CHST8: variants seen among roughly 807,000 people sequenced by gnomAD.
CHST8 encodes carbohydrate sulfotransferase 8, also known as GALNAC-4-ST1.
A neutral mutation model predicts 15.0 loss-of-function variants in CHST8; 10 were observed. The observed-to-expected ratio is 0.67, with a 90% CI of 0.41 to 1.13. CHST8 has a LOEUF of 1.13. Among genes scored for constraint, CHST8 ranks in the 50% most tolerant of loss-of-function variants. The probability of loss-of-function intolerance (pLI) is 0.00; values close to 1 mark genes in which losing one functional copy is unlikely to be tolerated. For missense variants in CHST8, 634 were observed against 608.2 expected, an observed-to-expected ratio of 1.04 and a Z score of -0.45; for synonymous variants, 259 against 256.6, an observed-to-expected ratio of 1.01 and a Z score of -0.09.
intron 3 of CHST8, among the ~76,000 whole-genome samples, chr19:33,757,561 A>G (rs567053025): frequency 1.5e-5 from 2 of 131,924 alleles, no homozygotes; most frequent in African/African-American, 5.8e-5. Context: ...AGAAAGAAAG[A>G]AAGAAAGAAA....
At chr19:33,728,200 A>G (rs1290364774) in intron 3 of CHST8, among the ~76,000 whole-genome samples, 1 of 152,224 alleles carries the variant, frequency 6.6e-6, no homozygotes, top group Non-Finnish European at 1.5e-5. Flanking sequence ...AATTTCATCC[A>G]ATCATGTTTT....
chr19:33,646,015 C>T (rs1972351167), intron 1 of CHST8, among the ~76,000 whole-genome samples: 1 of 152,074 alleles, frequency 6.6e-6, no homozygotes, highest in South Asian at 2.1e-4. Flanking sequence ...GTGGTCTCAG[C>T]TACTCAGGAG....
intron 3 of CHST8, among the ~76,000 whole-genome samples, chr19:33,755,564 C>T (rs1307034012): frequency 6.6e-6 from 1 of 152,258 alleles, no homozygotes; most frequent in Non-Finnish European, 1.5e-5. Context: ...CCCTGCCACG[C>T]GCAGGCGTGA....
chr19:33,678,338 A>G (rs1233257316), intron 2 of CHST8, among the ~76,000 whole-genome samples: 1 of 152,162 alleles, frequency 6.6e-6, no homozygotes, highest in Non-Finnish European at 1.5e-5. Context: ...TTTTCCACAG[A>G]GCATCCAGGA....
At chr19:33,649,333 T>C (rs926387833) in intron 1 of CHST8, among the ~76,000 whole-genome samples, 1 of 152,216 alleles carries the variant, frequency 6.6e-6, no homozygotes, top group Non-Finnish European at 1.5e-5. Flanking sequence ...GCTTATTTGC[T>C]ACTTGGATGT....
chr19:33,769,494 T>C (rs1409949049), intron 3 of CHST8, among the ~76,000 whole-genome samples: 2 of 152,086 alleles, frequency 1.3e-5, no homozygotes. Flanking sequence ...AACCAAGTGG[T>C]GCAGCGGGTC....
chr19:33,737,162 T>A (rs1007619822), intron 3 of CHST8, among the ~76,000 whole-genome samples: 1 of 152,234 alleles, frequency 6.6e-6, no homozygotes, highest in African/African-American at 2.4e-5. Context: ...TTATTTAGCA[T>A]GTAGTCAAAA....
intron 1 of CHST8, among the ~76,000 whole-genome samples, chr19:33,653,979 T>A (rs1972479567): frequency 6.6e-6 from 1 of 152,214 alleles, no homozygotes. Context: ...GGCCAGAGTC[T>A]ATGATTATCA....
At position 33,667,748 on chromosome 19, in the gene CHST8, T is replaced by C. The variant is rs908164618; in HGVS notation, c.-163-19T>C. 2 of 152,152 alleles carry C rather than the reference T, an allele frequency of 1.3e-5. No homozygotes were observed. Among genetic ancestry groups the C allele is most frequent in the African/African-American group, 4.8e-5 (2 of 41,426 alleles). 9.4% of individuals were successfully genotyped at this position (152,152 alleles called of 1,614,324 possible). The stretch of plus-strand genomic sequence containing the variant: ...CTTGCTGGAAAACGTCTCAGACACA[T>C]TTATTTATTTTTTTTTAGGTTTAAA... On this transcript the variant is annotated intron_variant, in intron 1 of 4. Coordinates refer to ENST00000650847, the MANE Select transcript of CHST8 (RefSeq NM_001127895.2).
chr19:33,661,894 G>C (rs921945142), intron 1 of CHST8, among the ~76,000 whole-genome samples: 3 of 151,300 alleles, frequency 2.0e-5, no homozygotes, highest in African/African-American at 4.9e-5. Flanking sequence ...AAAATAGGCG[G>C]GTATGGTGGT....
In CHST8 at chr19:33,689,317, T is replaced by C; in HGVS notation, c.56T>C (p.Leu19Pro). ...GCCTGCATGTTCTCTTCCATCCTGC[T>C]GTTCGGAGCTGCAGGCCTCCTCCTC... ...RLACMFSSILLFGAAGLLLFI... is the reference protein window; with the variant it reads ...RLACMFSSILPFGAAGLLLFI... Residue 19 changes from leucine (L) to proline (P), a missense_variant, in exon 3 of 5, where the codon CTG becomes CCG. Leu to Pro is a moderately conservative substitution (Grantham distance 98). Transcript: ENST00000650847. 6.2e-7 allele frequency: 1 copy of C among 1,609,806 alleles called. No homozygotes were observed. Among genetic ancestry groups the C allele is most frequent in the South Asian group, 1.1e-5 (1 of 90,504 alleles).
At position 33,757,396 on chromosome 19, in the gene CHST8, A is replaced by G. The variant is rs1177221376; in HGVS notation, c.131-14017A>G. On this transcript the variant is annotated intron_variant, in intron 3 of 4. Coordinates refer to ENST00000650847, the MANE Select transcript of CHST8 (RefSeq NM_001127895.2). ...CGCGGTCTCAAAAAAAGAAGAAAGA[A>G]AGAAAGAAAGAAAGAAAGAAAGAAA... Among the ~76,000 whole-genome samples, 25 of 4,890 alleles carry G rather than the reference A, an allele frequency of 5.1e-3. 1 individual carries two copies. The highest frequency in any genetic ancestry group is 0.019 in the East Asian group (2 of 106). 3.2% of individuals were successfully genotyped at this position (4,890 alleles called of 152,430 possible).
At chr19:33,707,418 A>G (rs541075805) in intron 3 of CHST8, among the ~76,000 whole-genome samples, 1 of 151,842 alleles carries the variant, frequency 6.6e-6, no homozygotes, top group East Asian at 1.9e-4. Context: ...ATCACTCCCC[A>G]TTTTCACCCT....
intron 3 of CHST8, among the ~76,000 whole-genome samples, chr19:33,748,205 G>A (rs547282451): frequency 6.6e-6 from 1 of 152,306 alleles, no homozygotes; most frequent in South Asian, 2.1e-4. Flanking sequence ...CACTCGCCAG[G>A]CCCAGGCACT....
intron 2 of CHST8, among the ~76,000 whole-genome samples, chr19:33,687,174 G>A (rs970234883): frequency 2.6e-5 from 4 of 152,264 alleles, no homozygotes; most frequent in Non-Finnish European, 4.4e-5. Context: ...GTGCAGTGCT[G>A]TCCTCACAGA....
At chr19:33,759,741 G>A (rs573879857) in intron 3 of CHST8, among the ~76,000 whole-genome samples, 2 of 152,328 alleles carry the variant, frequency 1.3e-5, no homozygotes, top group Admixed American at 6.5e-5. Flanking sequence ...AATAGCATCA[G>A]CATTCACCAC....
At chr19:33,771,287 C>T in intron 3 of CHST8, 126 bp from the exon 4 acceptor site, 1 of 928,728 alleles carries the variant, frequency 1.1e-6, no homozygotes, top group Non-Finnish European at 1.8e-6. Flanking sequence ...CCTAAGCTGC[C>T]TTTCCCTAGA....
At chr19:33,748,301 C>T (rs1974351476) in intron 3 of CHST8, among the ~76,000 whole-genome samples, 1 of 152,254 alleles carries the variant, frequency 6.6e-6, no homozygotes, top group South Asian at 2.1e-4. Flanking sequence ...AGTGCAGGAC[C>T]TAATGGGTCC....
intron 1 of CHST8, among the ~76,000 whole-genome samples, chr19:33,630,992 C>T (rs776331613): frequency 2.4e-4 from 37 of 152,184 alleles, no homozygotes; most frequent in Non-Finnish European, 5.1e-4. Context: ...CAGGCTCTGT[C>T]TCCCAGAGCT....
Sources: gnomAD v4.1 joint callset for allele counts (sites outside exome capture counted in the v4.1 genomes callset) on GRCh38, gnomAD v4.1.1 for gene constraint, MANE v1.5 for transcripts, NCBI Gene and HGNC (gene_info 2026-07-23, HGNC 2026-07-21) for gene names.